Variants in BBS9 observed in about 807,000 individuals in gnomAD.
BBS9 encodes the protein Bardet-Biedl syndrome 9.
Under a neutral mutation model 117.7 loss-of-function variants are expected in BBS9, and 89 were observed. The ratio of observed to expected loss-of-function variants is 0.76; its 90% CI spans 0.64 to 0.90. BBS9 has a LOEUF of 0.90. BBS9 is among the 40% of genes least tolerant of loss of function. BBS9 has a pLI of 0.00. For missense variants in BBS9, 982 were observed against 1,042.2 expected, an observed-to-expected ratio of 0.94 and a Z score of 0.80; for synonymous variants, 379 against 370.9, an observed-to-expected ratio of 1.02 and a Z score of -0.25.
chr7:33,242,609 G>A (rs760839078), intron 5 of BBS9, among the ~76,000 whole-genome samples: 1 of 151,876 alleles, frequency 6.6e-6, no homozygotes. Flanking sequence ...AGTAATTTTA[G>A]TCTGAGAATC....
chr7:33,264,431 G>A (rs1452334298), intron 7 of BBS9, 57 bp downstream of exon 7: 2 of 995,860 alleles, frequency 2.0e-6, no homozygotes, highest in South Asian at 1.7e-5. Context: ...AATCACATAT[G>A]TTTGTCAATA....
chr7:33,621,267 T>A (rs1865391300), intron 21 of BBS9, among the ~76,000 whole-genome samples: 1 of 151,976 alleles, frequency 6.6e-6, no homozygotes, highest in African/African-American at 2.4e-5. Context: ...AGACAACCTA[T>A]GGAATGGGGA....
At chr7:33,146,643 G>C (rs2128096101) in intron 2 of BBS9, among the ~76,000 whole-genome samples, 1 of 146,968 alleles carries the variant, frequency 6.8e-6, no homozygotes, top group South Asian at 2.2e-4. Flanking sequence ...AGGTTGCGGT[G>C]AGCTGAGATA....
chr7:33,161,700 C>T (rs568836426), intron 4 of BBS9, among the ~76,000 whole-genome samples: 4 of 152,252 alleles, frequency 2.6e-5, no homozygotes, highest in Admixed American at 2.6e-4. Context: ...TGCCACACTG[C>T]CTTCCACGAT....
chr7:33,212,402 G>A (rs1401823274), intron 5 of BBS9, among the ~76,000 whole-genome samples: 1 of 152,054 alleles, frequency 6.6e-6, no homozygotes, highest in Admixed American at 6.5e-5. Flanking sequence ...CAGAATTTCT[G>A]CTTGATTCTT....
chr7:33,352,797 C>T, intron 14 of BBS9, 62 bp from the exon 15 acceptor site: 1 of 1,562,258 alleles, frequency 6.4e-7, no homozygotes. Context: ...TGTAACTTTA[C>T]CACAGATAAT....
chr7:33,567,609 G>A (rs1374878985), intron 21 of BBS9, among the ~76,000 whole-genome samples: 4 of 152,160 alleles, frequency 2.6e-5, no homozygotes, highest in African/African-American at 9.6e-5. Flanking sequence ...TTACTGGGTG[G>A]TTTTAATTTC....
intron 5 of BBS9, among the ~76,000 whole-genome samples, chr7:33,205,360 G>A (rs551934878): frequency 2.0e-4 from 30 of 152,004 alleles, no homozygotes; most frequent in Non-Finnish European, 3.2e-4. Flanking sequence ...TTTCAGTTTT[G>A]TTCTTTCTAA....
intron 9 of BBS9, among the ~76,000 whole-genome samples, chr7:33,312,509 T>TTTCC (rs1474507719): frequency 6.6e-6 from 1 of 152,192 alleles, no homozygotes; most frequent in Non-Finnish European, 1.5e-5. Flanking sequence ...AATATATTGA[T>TTTCC]TTCCTCCACT....
At chr7:33,246,900 A>G (rs1004412015) in intron 5 of BBS9, among the ~76,000 whole-genome samples, 4 of 152,170 alleles carry the variant, frequency 2.6e-5, no homozygotes, top group Non-Finnish European at 2.9e-5. Context: ...AGAGAGTTCA[A>G]TAGTTAGCAT....
chr7:33,290,060 T>A lies in BBS9; in HGVS notation c.1016+16104T>A, dbSNP rs557560873. On this transcript the variant is annotated intron_variant, in intron 9 of 22. Coordinates refer to ENST00000242067, the MANE Select transcript of BBS9 (RefSeq NM_198428.3). Reference sequence around the variant, plus strand: ...ACTCTATCTCAAAAAAAAAAAAAAATTTTTTTAGAAGGAAATTACTTTGAA... The same window carrying A: ...ACTCTATCTCAAAAAAAAAAAAAAAATTTTTTAGAAGGAAATTACTTTGAA... 3.1e-3 allele frequency among the ~76,000 whole-genome samples: 464 copies of A among 150,350 alleles called. 2 individuals are homozygous for A. Among genetic ancestry groups the A allele is most frequent in the African/African-American group, 8.8e-3 (359 of 40,924 alleles).
chr7:33,406,037 A>G (rs1032534745), intron 19 of BBS9, among the ~76,000 whole-genome samples: 2 of 151,936 alleles, frequency 1.3e-5, no homozygotes, highest in Non-Finnish European at 2.9e-5. Context: ...AGATTCTGGT[A>G]TGTTGTGTCT....
chr7:33,151,850 CTTTTTTTT>C (rs11346140), intron 2 of BBS9, among the ~76,000 whole-genome samples: 1 of 82,352 alleles, frequency 1.2e-5, no homozygotes, highest in Non-Finnish European at 2.3e-5. Context: ...TGCACCCAGC[CTTTTTTTT>C]TTTTTTTTTT....
chr7:33,247,166 T>G (rs189538921), intron 5 of BBS9, among the ~76,000 whole-genome samples: 1 of 152,184 alleles, frequency 6.6e-6, no homozygotes, highest in African/African-American at 2.4e-5. Context: ...TTTAAGTTTT[T>G]CAATTTTAAG....
chr7:33,209,206 T>C (rs1037540103), intron 5 of BBS9, among the ~76,000 whole-genome samples: 7 of 152,242 alleles, frequency 4.6e-5, no homozygotes, highest in African/African-American at 1.7e-4. Flanking sequence ...TTTGTCTTTC[T>C]GTGACTGGCT....
chr7:33,202,770 C>T (rs1202884206), intron 5 of BBS9, among the ~76,000 whole-genome samples: 2 of 152,206 alleles, frequency 1.3e-5, no homozygotes, highest in African/African-American at 4.8e-5. Flanking sequence ...CCTCCTCCAA[C>T]ATTGGGGATT....
chr7:33,180,896 G>T (rs1044589894), intron 5 of BBS9, among the ~76,000 whole-genome samples: 1 of 145,794 alleles, frequency 6.9e-6, no homozygotes, highest in African/African-American at 2.5e-5. Context: ...CTCACATACC[G>T]TGGCGACCAG....
chr7:33,459,371 G>T (rs777639647), intron 19 of BBS9, among the ~76,000 whole-genome samples: 1 of 151,706 alleles, frequency 6.6e-6, no homozygotes, highest in East Asian at 1.9e-4. Context: ...GAAGGGAGAG[G>T]ATACCATTGG....
At position 33,222,716 on chromosome 7, in the gene BBS9, G is replaced by A. The variant is rs571595946; in HGVS notation, c.443-34520G>A. On this transcript the variant is annotated intron_variant, in intron 5 of 22. Transcript: ENST00000242067. ...TAACTCCAGCACTTTGGGAGGCTGA[G>A]GTGGGTGGATCACTTTAGGCCAGGA... is the stretch of plus-strand genomic sequence containing the variant. Among the ~76,000 whole-genome samples the A allele has an allele frequency of 9.9e-5, 15 of 152,072 alleles. No individual in the cohort carries two copies. In the East Asian group the frequency reaches 2.9e-3, roughly 29 times the overall value.
Sources: gnomAD v4.1 joint callset for allele counts (sites outside exome capture counted in the v4.1 genomes callset) on GRCh38, gnomAD v4.1.1 for gene constraint, MANE v1.5 for transcripts, NCBI Gene and HGNC (gene_info 2026-07-23, HGNC 2026-07-21) for gene names.